MYO16: variants seen among roughly 807,000 people sequenced by gnomAD.
The protein encoded by MYO16 is unconventional myosin-XVI.
MYO16 carries 94 observed loss-of-function variants against 205.3 expected under a neutral mutation model. That is an observed-to-expected ratio of 0.46 (90% CI 0.39 to 0.54). The LOEUF is 0.54. Among genes scored for constraint, MYO16 ranks in the 20% least tolerant of loss-of-function variants. The pLI, the probability that MYO16 is intolerant of heterozygous loss-of-function variation, is 0.00. For missense variants in MYO16, 2,315 were observed against 2,387.5 expected (o/e 0.97, Z 0.63); for synonymous variants, 988 against 954.0 (o/e 1.04, Z -0.66).
chr13:108,532,872 G>A, the MYO16 span, among the ~76,000 whole-genome samples: 5 of 152,122 alleles, frequency 3.3e-5, no homozygotes, highest in Admixed American at 3.3e-4. Context: ...AGGATTGCAT[G>A]ACAATGCAAG....
At chr13:108,696,774 G>A (rs1465446112) in intron 2 of MYO16, among the ~76,000 whole-genome samples, 4 of 151,978 alleles carry the variant, frequency 2.6e-5, no homozygotes, top group Non-Finnish European at 4.4e-5. Flanking sequence ...ACTACTTTTC[G>A]ACTACATGGA....
chr13:108,748,486 G>T (rs1885131830), intron 4 of MYO16, among the ~76,000 whole-genome samples: 1 of 151,674 alleles, frequency 6.6e-6, no homozygotes, highest in Non-Finnish European at 1.5e-5. Context: ...TCAAACAGAA[G>T]AAATAATAAT....
chr13:108,567,025 T>G, the MYO16 span, among the ~76,000 whole-genome samples: 2 of 152,174 alleles, frequency 1.3e-5, no homozygotes, highest in African/African-American at 4.8e-5. Context: ...GTCAAAAGAT[T>G]GAATATAATC....
chr13:109,101,761 G>A (rs1344112049), intron 28 of MYO16: 1 of 152,162 alleles, frequency 6.6e-6, no homozygotes, highest in Non-Finnish European at 1.5e-5. Context: ...GTAGCTAAAA[G>A]CTTTGATAAA....
At chr13:108,974,587 CTAAG>C in intron 20 of MYO16, among the ~76,000 whole-genome samples, 1 of 152,208 alleles carries the variant, frequency 6.6e-6, no homozygotes, top group Middle Eastern at 3.4e-3. Context: ...ATTTTTAAGG[CTAAG>C]TCTTTTGTAT....
intron 1 of MYO16, among the ~76,000 whole-genome samples, chr13:108,651,408 T>G (rs1362251228): frequency 6.6e-6 from 1 of 152,230 alleles, no homozygotes; most frequent in Non-Finnish European, 1.5e-5. Flanking sequence ...TAAATCTATA[T>G]CCACTGAAAG....
intron 34 of MYO16, among the ~76,000 whole-genome samples, chr13:109,188,121 T>C (rs1182209493): frequency 1.3e-5 from 2 of 152,254 alleles, no homozygotes; most frequent in East Asian, 3.8e-4. Flanking sequence ...TTTCTTTGTC[T>C]TAAGTCTACT....
rs112334885 is a variant in MYO16, at chr13:108,638,683, G to A, written c.28+8811G>A. On this transcript the variant is annotated intron_variant, in intron 1 of 34. Transcript: ENST00000457511. ...TTAAGTTTTTTAATCATTCACTCACGCCAGACATTCTGCTATGCACTCAGT... is the reference window on the plus strand; with the variant it reads ...TTAAGTTTTTTAATCATTCACTCACACCAGACATTCTGCTATGCACTCAGT... Among the ~76,000 whole-genome samples, 146 of 152,070 alleles carry A rather than the reference G, an allele frequency of 9.6e-4. 5 individuals carry two copies. Among genetic ancestry groups the A allele is most frequent in the African/African-American group, 3.3e-3 (137 of 41,470 alleles).
intron 34 of MYO16, among the ~76,000 whole-genome samples, chr13:109,182,116 C>G (rs959879120): frequency 2.6e-5 from 4 of 152,258 alleles, no homozygotes; most frequent in African/African-American, 2.4e-5. Flanking sequence ...CTGCACCTGG[C>G]CTGTTTCATA....
chr13:108,509,755 A>G, the MYO16 span, among the ~76,000 whole-genome samples: 1 of 152,186 alleles, frequency 6.6e-6, no homozygotes, highest in Non-Finnish European at 1.5e-5. Context: ...TATGTAAAAA[A>G]CCTGCACATT....
At chr13:108,983,174 A>T (rs899423039) in intron 20 of MYO16, among the ~76,000 whole-genome samples, 1 of 152,146 alleles carries the variant, frequency 6.6e-6, no homozygotes, top group Admixed American at 6.6e-5. Flanking sequence ...TGCAAAGTAA[A>T]ATCAAAATTA....
chr13:108,554,158 G>A, the MYO16 span, among the ~76,000 whole-genome samples: 8,268 of 151,748 alleles, frequency 0.054, 705 homozygotes, highest in African/African-American at 0.18. Flanking sequence ...TTAACTTGAC[G>A]ACAAATTACA....
At chr13:108,631,961 C>G (rs1255137707) in intron 1 of MYO16, among the ~76,000 whole-genome samples, 1 of 151,542 alleles carries the variant, frequency 6.6e-6, no homozygotes, top group African/African-American at 2.4e-5. Context: ...GCCTGTAATC[C>G]CAGCTACTTG....
chr13:109,024,483 A>G lies in MYO16; in HGVS notation c.2796+4572A>G, dbSNP rs1311594730. 3.3e-5 allele frequency among the ~76,000 whole-genome samples: 5 copies of G among 151,734 alleles called. No homozygotes were observed. The South Asian group carries it at 1.0e-3, about 31-fold the overall frequency. The stretch of plus-strand genomic sequence containing the variant: ...TAAATCATTTTATGTTCAGTTTAAA[A>G]AATTGTACATTCACTTAAAATTTCC... On this transcript the variant is annotated intron_variant, in intron 23 of 34. Coordinates refer to ENST00000457511, the MANE Select transcript of MYO16 (RefSeq NM_001198950.3).
Position 109,127,560 on chromosome 13 carries a change from G to T in MYO16, c.4051+10G>T. On this transcript the variant is annotated intron_variant, in intron 31 of 34. Coordinates refer to ENST00000457511, the MANE Select transcript of MYO16 (RefSeq NM_001198950.3). This position sits in a 1 kb window ranked among gnomAD's most constrained non-coding sequence, Gnocchi z 4.2. ...GAAGCGGCCAACGAAGGTCAGCCCT[G>T]GGGAGGGACCCAGCCTCGTGTTCCG... 2 of 1,605,870 alleles carry T rather than the reference G, an allele frequency of 1.2e-6. No individual in the cohort carries two copies. Among genetic ancestry groups the T allele is most frequent in the Non-Finnish European group, 1.7e-6 (2 of 1,179,130 alleles).
At chr13:109,206,547 A>G in intron 34 of MYO16, 62 bp from the exon 35 acceptor site, 1 of 1,269,656 alleles carries the variant, frequency 7.9e-7, no homozygotes, top group Non-Finnish European at 1.1e-6. Flanking sequence ...TTGCTATCAC[A>G]CTTCATACTC....
intron 28 of MYO16, chr13:109,101,694 A>G (rs1888972987): frequency 6.6e-6 from 1 of 152,230 alleles, no homozygotes; most frequent in Admixed American, 6.5e-5. Context: ...ACCAGAAATT[A>G]TTTGGAAGTT....
intron 27 of MYO16, among the ~76,000 whole-genome samples, chr13:109,062,078 GAGAA>G (rs34046715): frequency 0.084 from 12,768 of 152,094 alleles, 565 homozygotes; most frequent in African/African-American, 0.11. Context: ...AGAGTGGAGG[GAGAA>G]AGAGAGAGAG....
chr13:108,692,151 T>G (rs1355618272), intron 2 of MYO16, among the ~76,000 whole-genome samples: 1 of 152,228 alleles, frequency 6.6e-6, no homozygotes, highest in Admixed American at 6.5e-5. Context: ...AATGAAAATC[T>G]TCAGTATATT....
Sources: gnomAD v4.1 joint callset for allele counts (sites outside exome capture counted in the v4.1 genomes callset) on GRCh38, gnomAD v4.1.1 for gene constraint, Gnocchi (gnomAD v3.1) non-coding constraint, MANE v1.5 for transcripts, NCBI Gene and HGNC (gene_info 2026-07-23, HGNC 2026-07-21) for gene names.